The following SLC26A7 variants were observed in gnomAD, a reference collection of about 807,000 sequenced individuals.
SLC26A7 encodes the protein solute carrier family 26 member 7, also known as anion exchange transporter.
In SLC26A7, 59 loss-of-function variants were observed where a neutral mutation model predicts 82.5. That is an observed-to-expected ratio of 0.72 (90% CI 0.58 to 0.89). The LOEUF is 0.89. Ranked by LOEUF, SLC26A7 falls within the 40% of genes least tolerant of loss-of-function variation. The probability of loss-of-function intolerance (pLI) is 0.00; values close to 1 mark genes in which losing one functional copy is unlikely to be tolerated. For synonymous variants in SLC26A7, 271 were observed against 274.3 expected (o/e 0.99, Z 0.12); for missense variants, 820 against 793.0 (o/e 1.03, Z -0.41).
chr8:91,325,987 T>C (rs1459989836), intron 5 of SLC26A7, among the ~76,000 whole-genome samples: 2 of 152,196 alleles, frequency 1.3e-5, no homozygotes, highest in Non-Finnish European at 2.9e-5. Context: ...ACAAGTGTCT[T>C]CTGAACATTT....
intron 15 of SLC26A7, among the ~76,000 whole-genome samples, chr8:91,383,800 A>G (rs950309734): frequency 6.6e-6 from 1 of 152,118 alleles, no homozygotes. Flanking sequence ...ACTTCCAATC[A>G]TTATCAAGTC....
upstream of SLC26A7, among the ~76,000 whole-genome samples, chr8:91,247,423 T>TTTTC (rs1195719532): frequency 6.6e-6 from 1 of 152,132 alleles, no homozygotes; most frequent in South Asian, 2.1e-4. Context: ...CTCATAATGT[T>TTTTC]TTTCTTTCTT....
chr8:91,360,845 A>G (rs1349408164), intron 11 of SLC26A7, among the ~76,000 whole-genome samples: 1 of 152,184 alleles, frequency 6.6e-6, no homozygotes, highest in Non-Finnish European at 1.5e-5. Flanking sequence ...ACTCAGAGTC[A>G]TCATGGGAAG....
intron 2 of SLC26A7, among the ~76,000 whole-genome samples, chr8:91,275,853 T>A (rs1037810150): frequency 3.3e-5 from 5 of 152,170 alleles, no homozygotes; most frequent in Non-Finnish European, 5.9e-5. Context: ...CAATCGCTTC[T>A]CAGTCTTGCT....
chr8:91,266,421 AG>A (rs1408905779), intron 2 of SLC26A7, among the ~76,000 whole-genome samples: 1 of 151,828 alleles, frequency 6.6e-6, no homozygotes, highest in Non-Finnish European at 1.5e-5. Flanking sequence ...TATGTTCTAT[AG>A]TTTTTGTTGT....
intron 2 of SLC26A7, among the ~76,000 whole-genome samples, chr8:91,276,887 TC>T (rs1416867286): frequency 3.9e-5 from 6 of 152,176 alleles, no homozygotes; most frequent in Non-Finnish European, 4.4e-5. Context: ...CACTTTCTCT[TC>T]CTAACCTGGG....
chr8:91,329,830 C>T (rs1293145517), intron 5 of SLC26A7, among the ~76,000 whole-genome samples: 1 of 152,062 alleles, frequency 6.6e-6, no homozygotes, highest in African/African-American at 2.4e-5. Flanking sequence ...TCGTCTCTAT[C>T]CCCTTTCCCT....
intron 2 of SLC26A7, among the ~76,000 whole-genome samples, chr8:91,268,493 T>C (rs1040718935): frequency 9.9e-5 from 15 of 151,832 alleles, no homozygotes; most frequent in African/African-American, 3.1e-4. Flanking sequence ...AGAATCTTTT[T>C]CTATCTCTTC....
intron 5 of SLC26A7, among the ~76,000 whole-genome samples, chr8:91,327,112 T>G (rs1295024876): frequency 6.6e-6 from 1 of 152,164 alleles, no homozygotes; most frequent in Non-Finnish European, 1.5e-5. Flanking sequence ...TGTAGACTTT[T>G]TTTTGGTGGG....
chr8:91,333,356 A>G (rs978339442), intron 5 of SLC26A7, among the ~76,000 whole-genome samples: 3 of 152,146 alleles, frequency 2.0e-5, no homozygotes, highest in African/African-American at 7.2e-5. Context: ...AAATTCTTTG[A>G]GGTAAGTATA....
chr8:91,281,270 G>A (rs932562554), intron 2 of SLC26A7, among the ~76,000 whole-genome samples: 1 of 152,092 alleles, frequency 6.6e-6, no homozygotes, highest in African/African-American at 2.4e-5. Flanking sequence ...CTTGTTTTTC[G>A]TGTGTAACCA....
At chr8:91,273,550 A>G (rs1478416086) in intron 2 of SLC26A7, among the ~76,000 whole-genome samples, 2 of 152,204 alleles carry the variant, frequency 1.3e-5, no homozygotes, top group African/African-American at 4.8e-5. Flanking sequence ...TAAAATGTAT[A>G]TATGAGACAT....
chr8:91,241,765 C>T (rs112627589), intron 2 of SLC26A7, among the ~76,000 whole-genome samples: 2,049 of 152,208 alleles, frequency 0.013, 32 homozygotes, highest in African/African-American at 0.047. Flanking sequence ...TATAAGCCCT[C>T]CATCTTAGAA....
At chr8:91,233,442 C>A (rs1164236995) in intron 2 of SLC26A7, among the ~76,000 whole-genome samples, 2 of 152,080 alleles carry the variant, frequency 1.3e-5, no homozygotes, top group African/African-American at 4.8e-5. Flanking sequence ...CGGCACACAC[C>A]TGTAATCCTA....
chr8:91,253,128 C>T (rs1368103139), intron 2 of SLC26A7, among the ~76,000 whole-genome samples: 4 of 152,108 alleles, frequency 2.6e-5, no homozygotes, highest in Non-Finnish European at 4.4e-5. Context: ...TGTAAGAACA[C>T]TTGACATATA....
At chr8:91,352,730 G>C (rs1813751374) in intron 10 of SLC26A7, among the ~76,000 whole-genome samples, 171 bp from the exon 11 acceptor site, 1 of 151,840 alleles carries the variant, frequency 6.6e-6, no homozygotes, top group African/African-American at 2.4e-5. Flanking sequence ...TTCCTAAAGT[G>C]CAATAATAGG....
At chr8:91,369,622 C>G (rs763356365) in intron 14 of SLC26A7, among the ~76,000 whole-genome samples, 163 bp from the exon 15 acceptor site, 1 of 151,982 alleles carries the variant, frequency 6.6e-6, no homozygotes, top group Admixed American at 6.6e-5. Context: ...TTTATTATTT[C>G]ATAGTTTGTT....
intron 4 of SLC26A7, among the ~76,000 whole-genome samples, chr8:91,299,472 T>C (rs1269662449): frequency 6.6e-6 from 1 of 152,124 alleles, no homozygotes; most frequent in Non-Finnish European, 1.5e-5. Flanking sequence ...TTTATGCTTG[T>C]GAGTGGTGTG....
chr8:91,240,635 G>A (rs1055297598), intron 2 of SLC26A7, among the ~76,000 whole-genome samples: 2 of 152,256 alleles, frequency 1.3e-5, no homozygotes, highest in East Asian at 1.9e-4. Flanking sequence ...AGACAAATAA[G>A]CTTGAGCACA....
Sources: allele counts gnomAD v4.1 joint callset (sites outside exome capture counted in the v4.1 genomes callset), GRCh38; gene constraint gnomAD v4.1.1; transcripts MANE v1.5; gene names NCBI Gene and HGNC (gene_info 2026-07-23, HGNC 2026-07-21).